The following ZPLD1 variants were observed in gnomAD, a reference collection of about 807,000 sequenced individuals.
ZPLD1 encodes the protein zona pellucida like domain containing 1, also known as zona pellucida-like domain-containing protein 1.
A neutral mutation model predicts 47.2 loss-of-function variants in ZPLD1; 34 were observed. The ratio of observed to expected loss-of-function variants is 0.72; its 90% CI spans 0.55 to 0.96. ZPLD1 has a LOEUF of 0.96. Among genes scored for constraint, ZPLD1 ranks in the 40% least tolerant of loss-of-function variants. The probability of loss-of-function intolerance (pLI) is 0.00; values close to 1 mark genes in which losing one functional copy is unlikely to be tolerated. For synonymous variants in ZPLD1, 176 were observed against 186.2 expected (o/e 0.95, Z 0.45); for missense variants, 512 against 505.8 (o/e 1.01, Z -0.12).
rs144876218 is a variant in ZPLD1 at position 102,472,427 on chromosome 3, G to A, written c.1042+1925G>A. On this transcript the variant is annotated intron_variant, in intron 10 of 11. Transcript: ENST00000466937. ...TATGCCTGTAATCACAGCTACTTGG[G>A]AGGCTGAGGCAGGAGAATTGCTTGA... is the stretch of plus-strand genomic sequence containing the variant. Among the ~76,000 whole-genome samples the A allele has an allele frequency of 8.4e-3, 1,274 of 152,086 alleles. 11 individuals are homozygous for A. The highest frequency in any genetic ancestry group is 0.029 in the African/African-American group (1,184 of 41,490).
At chr3:102,386,356 G>A (rs1276977441) in intron 6 of ZPLD1, among the ~76,000 whole-genome samples, 1 of 150,880 alleles carries the variant, frequency 6.6e-6, no homozygotes, top group African/African-American at 2.4e-5. Context: ...TTTTCCTCCA[G>A]GAATGCCCCA....
chr3:102,432,497 A>G (rs772863190), upstream of ZPLD1, among the ~76,000 whole-genome samples: 1 of 152,252 alleles, frequency 6.6e-6, no homozygotes, highest in Non-Finnish European at 1.5e-5. Context: ...AACTATAACA[A>G]CAGATCAGCC....
chr3:102,430,524 T>A (rs1334633174), upstream of ZPLD1, among the ~76,000 whole-genome samples: 1 of 152,166 alleles, frequency 6.6e-6, no homozygotes, highest in South Asian at 2.1e-4. Flanking sequence ...AGTCCAATGC[T>A]TAGAAACTGC....
rs1707795327 is a variant in ZPLD1 at position 102,478,645 on chromosome 3, T to C, written c.*1027T>C. 6.6e-6 allele frequency: 1 copy of C among 152,218 alleles called. No homozygotes were observed. Among genetic ancestry groups the C allele is most frequent in the Non-Finnish European group, 1.5e-5 (1 of 68,042 alleles). The allele number at this position is 152,218 out of a possible 1,614,324, so 9.4% of individuals were successfully genotyped here. ...CAATAATCAGGAGAGGGTTTCTTTT[T>C]AAGGTATCTTCTTGTAGGTGTCATA... is the stretch of plus-strand genomic sequence containing the variant. On this transcript the variant is annotated 3_prime_UTR_variant, in exon 12 of 12. Coordinates refer to ENST00000466937, the MANE Select transcript of ZPLD1 (RefSeq NM_001329788.2).
chr3:102,477,411 CT>C, intron 11 of ZPLD1, 31 bp from the exon 12 acceptor site: 2 of 1,595,588 alleles, frequency 1.3e-6, no homozygotes, highest in Non-Finnish European at 8.5e-7. Context: ...TATATGGGGC[CT>C]TTACAACCGG....
intron 7 of ZPLD1, among the ~76,000 whole-genome samples, chr3:102,403,945 A>C (rs1013193980): frequency 2.0e-5 from 3 of 152,122 alleles, no homozygotes; most frequent in Admixed American, 2.0e-4. Flanking sequence ...CTCTGTTGGC[A>C]TGGAAAATTG....
intron 10 of ZPLD1, among the ~76,000 whole-genome samples, chr3:102,473,820 C>T (rs1263164175): frequency 6.6e-6 from 1 of 152,148 alleles, no homozygotes; most frequent in Non-Finnish European, 1.5e-5. Context: ...ACCAGAACTA[C>T]CTTTTTTCCT....
chr3:102,469,629 G>A (rs1707651649), intron 9 of ZPLD1, among the ~76,000 whole-genome samples: 1 of 152,164 alleles, frequency 6.6e-6, no homozygotes, highest in Non-Finnish European at 1.5e-5. Context: ...AAATTAGTGT[G>A]ATCAGAGAGC....
chr3:102,477,584 T>C lies in ZPLD1; in HGVS notation c.1214T>C (p.Val405Ala). ...CACAGGAAGGGACCCACAAGTTTAGTGTTGAATGGCATAAGAAACCCAGTC... is the reference window on the plus strand; with the variant it reads ...CACAGGAAGGGACCCACAAGTTTAGCGTTGAATGGCATAAGAAACCCAGTC... ...LLHRKGPTSLVLNGIRNPVFD is the reference protein window; with the variant it reads ...LLHRKGPTSLALNGIRNPVFD Residue 405 changes from valine (V) to alanine (A), a missense_variant, in exon 12 of 12, where the codon GTG becomes GCG. Transcript: ENST00000466937. The C allele has an allele frequency of 6.2e-7, 1 of 1,613,296 alleles. No homozygotes were observed. The highest frequency in any genetic ancestry group is 8.5e-7 in the Non-Finnish European group (1 of 1,179,584).
chr3:102,424,520 G>A (rs1559747043), intron 8 of ZPLD1, among the ~76,000 whole-genome samples: 1 of 152,112 alleles, frequency 6.6e-6, no homozygotes, highest in African/African-American at 2.4e-5. Context: ...TTGTTCTTGC[G>A]AGTGTTGTCT....
intron 6 of ZPLD1, among the ~76,000 whole-genome samples, chr3:102,386,712 G>C (rs1435874116): frequency 2.6e-5 from 4 of 152,006 alleles, no homozygotes; most frequent in South Asian, 2.1e-4. Flanking sequence ...TATTTAGGAG[G>C]TTAGTATATT....
intron 6 of ZPLD1, among the ~76,000 whole-genome samples, chr3:102,460,710 A>G (rs759123933): frequency 6.6e-6 from 1 of 152,014 alleles, no homozygotes; most frequent in Non-Finnish European, 1.5e-5. Flanking sequence ...TCAGAAAATT[A>G]CCTCTTAGAA....
chr3:102,393,724 A>G (rs529981585), intron 7 of ZPLD1, among the ~76,000 whole-genome samples: 5 of 152,248 alleles, frequency 3.3e-5, no homozygotes, highest in African/African-American at 7.2e-5. Context: ...TATTAGAAAT[A>G]TCTTTGGCAT....
chr3:102,465,211 A>G (rs1039531283), intron 8 of ZPLD1, among the ~76,000 whole-genome samples: 2 of 152,216 alleles, frequency 1.3e-5, no homozygotes, highest in African/African-American at 4.8e-5. Context: ...CTGGTCTATC[A>G]GTGATATTTA....
intron 8 of ZPLD1, among the ~76,000 whole-genome samples, chr3:102,467,424 C>T (rs936121367): frequency 1.3e-5 from 2 of 152,000 alleles, no homozygotes; most frequent in African/African-American, 4.8e-5. Flanking sequence ...TCAGATATCA[C>T]AATCAATAAA....
At chr3:102,413,390 C>T (rs1050922230) in intron 7 of ZPLD1, among the ~76,000 whole-genome samples, 4 of 151,630 alleles carry the variant, frequency 2.6e-5, no homozygotes, top group Non-Finnish European at 5.9e-5. Context: ...ATTTAGTAGC[C>T]TCATTGCTAC....
At chr3:102,477,068 G>GT in intron 11 of ZPLD1, 27 bp downstream of exon 11, 1 of 1,612,512 alleles carries the variant, frequency 6.2e-7, no homozygotes, top group Non-Finnish European at 8.5e-7. Flanking sequence ...ATTTTGCAAT[G>GT]TTTTTTACAT....
chr3:102,445,169 G>A (rs1353054674), intron 3 of ZPLD1, among the ~76,000 whole-genome samples: 5 of 152,200 alleles, frequency 3.3e-5, no homozygotes, highest in Admixed American at 6.5e-5. Flanking sequence ...ATGAGACAGA[G>A]ATGGGGGTAA....
chr3:102,397,940 G>A (rs746720305), intron 7 of ZPLD1, among the ~76,000 whole-genome samples: 43 of 152,036 alleles, frequency 2.8e-4, no homozygotes, highest in Non-Finnish European at 5.4e-4. Context: ...TAAAGATGTG[G>A]TGAACTAAGT....
Sources: gnomAD v4.1 joint callset for allele counts (sites outside exome capture counted in the v4.1 genomes callset) on GRCh38, gnomAD v4.1.1 for gene constraint, MANE v1.5 for transcripts, NCBI Gene and HGNC (gene_info 2026-07-23, HGNC 2026-07-21) for gene names.